LDB3: variants seen among roughly 807,000 people sequenced by gnomAD.
LDB3 encodes LIM domain binding 3, also known as LIM domain-binding protein 3.
LDB3 carries 49 observed loss-of-function variants against 69.0 expected under a neutral mutation model. That is an observed-to-expected ratio of 0.71 (90% CI 0.56 to 0.90). The LOEUF (loss-of-function observed/expected upper bound fraction) is 0.90, where lower values mean the gene tolerates loss of function less well. Among genes scored for constraint, LDB3 ranks in the 40% least tolerant of loss-of-function variants. LDB3 has a pLI of 0.00. For missense variants in LDB3, 928 were observed against 974.1 expected (o/e 0.95, Z 0.63); for synonymous variants, 387 against 396.2 (o/e 0.98, Z 0.28).
intron 5 of LDB3, among the ~76,000 whole-genome samples, chr10:86,689,462 G>C (rs1021494755): frequency 6.6e-6 from 1 of 152,208 alleles, no homozygotes; most frequent in African/African-American, 2.4e-5. Flanking sequence ...CTTGTCTCTT[G>C]GGGTTTGTCC....
chr10:86,692,009 C>T lies in LDB3; in HGVS notation c.803C>T (p.Ser268Phe). Residue 268 changes from serine to phenylalanine, a missense_variant, in exon 6 of 14, where the codon TCC (serine) becomes TTC (phenylalanine). Ser to Phe is a radical substitution (Grantham distance 155). Transcript: ENST00000361373. ...GCTGACGAGTGGGCACGCCGTTCCT[C>T]CAACCTGCAGTCTCGCTCCTTCCGC... is the stretch of plus-strand genomic sequence containing the variant. ...DEADEWARRSSNLQSRSFRIL... is the reference protein window; with the variant it reads ...DEADEWARRSFNLQSRSFRIL... The T allele has an allele frequency of 1.2e-6, 2 of 1,614,182 alleles. No individual in the cohort carries two copies. Among genetic ancestry groups the T allele is most frequent in the Middle Eastern group, 1.6e-4 (1 of 6,062 alleles).
At chr10:86,668,906 C>T (rs1844302391) in intron 2 of LDB3, 122 bp downstream of exon 2, 1 of 774,850 alleles carries the variant, frequency 1.3e-6, no homozygotes, top group Non-Finnish European at 2.2e-6. Flanking sequence ...TGCCCCATCC[C>T]CTGGGACTGG....
At chr10:86,680,001 C>A in intron 3 of LDB3, 81 bp from the exon 4 acceptor site, 1 of 1,262,256 alleles carries the variant, frequency 7.9e-7, no homozygotes, top group Admixed American at 1.7e-5. Context: ...CTCTTGCTCT[C>A]TCCTCACCAG....
intron 5 of LDB3, among the ~76,000 whole-genome samples, chr10:86,686,806 CAAAAA>C (rs3086887): frequency 6.8e-5 from 9 of 133,176 alleles, no homozygotes; most frequent in Non-Finnish European, 9.5e-5. Context: ...GACCCTGTAT[CAAAAA>C]AAAAAAAAAA....
In LDB3 at chr10:86,726,179, T is replaced by C. The variant is rs1265166017; in HGVS notation, c.2021T>C (p.Phe674Ser). The C allele has an allele frequency of 3.1e-6, 5 of 1,614,028 alleles. No homozygotes were observed. The highest frequency in any genetic ancestry group is 4.2e-6 in the Non-Finnish European group (5 of 1,180,016). Reference protein sequence around the residue: ...LFSTKCHGCDFPVEAGDKFIE... With the variant: ...LFSTKCHGCDSPVEAGDKFIE... ...AGCACCAAGTGCCATGGCTGCGATTTCCCCGTGGAGGCTGGCGACAAGTTT... is the reference window on the plus strand; with the variant it reads ...AGCACCAAGTGCCATGGCTGCGATTCCCCCGTGGAGGCTGGCGACAAGTTT... The change falls in exon 13 of 14, where the codon TTC becomes TCC. Residue 674 changes from phenylalanine to serine, a missense_variant. Physicochemically the swap from Phe to Ser is radical, Grantham distance 155. Transcript: ENST00000361373.
Position 86,726,253 on chromosome 10 carries a change from G to A in LDB3, c.2094+1G>A, listed in dbSNP as rs2132503675. 1 of 1,613,026 alleles carries A rather than the reference G, an allele frequency of 6.2e-7. No homozygotes were observed. Among genetic ancestry groups the A allele is most frequent in the Non-Finnish European group, 8.5e-7 (1 of 1,179,024 alleles). On this transcript the variant is annotated splice_donor_variant, in intron 13 of 13. Transcript: ENST00000361373. LOFTEE classifies it high-confidence loss of function. ...GCACGACACCTGCTTCATTTGCGCAGTATGTCTCTAGCTTGGGGCTCTGGC... is the reference window on the plus strand; with the variant it reads ...GCACGACACCTGCTTCATTTGCGCAATATGTCTCTAGCTTGGGGCTCTGGC...
At chr10:86,684,383 A>C (rs56339490) in intron 5 of LDB3, among the ~76,000 whole-genome samples, 5,053 of 152,370 alleles carry the variant, frequency 0.033, 138 homozygotes, top group Non-Finnish European at 0.051. Flanking sequence ...CAGGCTGCCA[A>C]GGGAGGGCAG....
Position 86,699,969 on chromosome 10 carries a change from G to C in LDB3, c.897-6562G>C. On this transcript the variant is annotated intron_variant, in intron 7 of 13. Transcript: ENST00000361373. This position sits in a 1 kb window ranked among gnomAD's most constrained non-coding sequence, Gnocchi z 4.9. ...GGGCATGCACCCTCCTTTCTGTACC[G>C]TGTGTGCTGGCTCCATAGTTCTCTC... The C allele has an allele frequency of 1.6e-5, 16 of 995,350 alleles. No homozygotes were observed. The highest frequency in any genetic ancestry group is 1.8e-5 in the Non-Finnish European group (15 of 835,242). The allele number at this position is 995,350 out of a possible 1,614,324, so 61.7% of individuals were successfully genotyped here. A position where few individuals can be genotyped will look rare whatever the true frequency, so the allele number is the denominator to read the frequency against.
chr10:86,681,807 G>GTTGCAGGCACACTCATCACAGCGCTAA lies in LDB3; in HGVS notation c.689+4_689+5insTTGCAGGCACACTCATCACAGCGCTAA, dbSNP rs1845159920. ...CGGGTGTCGGACTCCCAGGAGGGTA[G>GTTGCAGGCACACTCATCACAGCGCTAA]GTAACGGACATACAGCTCTCCACAG... On this transcript the variant is annotated splice_donor_region_variant and intron_variant, in intron 5 of 13. Transcript: ENST00000361373. 6.3e-7 allele frequency: 1 copy of GTTGCAGGCACACTCATCACAGCGCTAA among 1,589,536 alleles called. No homozygotes were observed. The highest frequency in any genetic ancestry group is 1.8e-5 in the Admixed American group (1 of 56,424).
intron 2 of LDB3, among the ~76,000 whole-genome samples, chr10:86,673,446 G>T (rs7894381): frequency 6.6e-6 from 1 of 152,062 alleles, no homozygotes; most frequent in East Asian, 1.9e-4. Context: ...GGTGCAGAAA[G>T]GAGACATGAC....
rs1443727562 is a variant in LDB3 at position 86,726,256 on chromosome 10, T to A, written c.2094+4T>A. 2 of 1,612,258 alleles carry A rather than the reference T, an allele frequency of 1.2e-6. No individual in the cohort carries two copies. Among genetic ancestry groups the A allele is most frequent in the Non-Finnish European group, 8.5e-7 (1 of 1,178,424 alleles). On this transcript the variant is annotated splice_donor_region_variant and intron_variant, in intron 13 of 13. Coordinates refer to ENST00000361373, the MANE Select transcript of LDB3 (RefSeq NM_007078.3). ...CGACACCTGCTTCATTTGCGCAGTA[T>A]GTCTCTAGCTTGGGGCTCTGGCTTT... is the stretch of plus-strand genomic sequence containing the variant.
chr10:86,672,439 A>AG (rs1421538076), intron 2 of LDB3, among the ~76,000 whole-genome samples: 18 of 152,322 alleles, frequency 1.2e-4, no homozygotes, highest in Middle Eastern at 6.8e-3. Flanking sequence ...GGGGAGAGGA[A>AG]GGGGGACAGG....
chr10:86,686,271 A>G (rs1845462116), intron 5 of LDB3, among the ~76,000 whole-genome samples: 2 of 152,212 alleles, frequency 1.3e-5, no homozygotes, highest in Admixed American at 1.3e-4. Flanking sequence ...GCCTGCAGGA[A>G]GAGCCCCTTC....
intron 5 of LDB3, among the ~76,000 whole-genome samples, chr10:86,682,514 G>A (rs1169489486): frequency 6.6e-6 from 1 of 152,166 alleles, no homozygotes; most frequent in Admixed American, 6.5e-5. Context: ...CTGTAGGGGG[G>A]AGGCAAAGGA....
chr10:86,709,507 G>A (rs1015485199), intron 8 of LDB3, among the ~76,000 whole-genome samples: 1 of 152,172 alleles, frequency 6.6e-6, no homozygotes, highest in Non-Finnish European at 1.5e-5. Flanking sequence ...AAAAGGGTAG[G>A]CAGAAGAGGC....
Position 86,680,224 on chromosome 10 carries a change from C to G in LDB3, c.321+67C>G, listed in dbSNP as rs570723970. On this transcript the variant is annotated intron_variant, in intron 4 of 13. Transcript: ENST00000361373. ...TCCTGGAGTGCTGGCCCTGGCCAGC[C>G]TGCCTGGTCTTTGGCTGGCCCAACT... 4.1e-6 allele frequency: 6 copies of G among 1,451,752 alleles called. No individual in the cohort carries two copies. The African/African-American group carries it at 5.6e-5, about 14-fold the overall frequency. 89.9% of individuals were successfully genotyped at this position (1,451,752 alleles called of 1,614,324 possible).
chr10:86,724,456 T>C (rs1008328137), intron 12 of LDB3, among the ~76,000 whole-genome samples: 1 of 150,882 alleles, frequency 6.6e-6, no homozygotes, highest in Non-Finnish European at 1.5e-5. Context: ...TAAAAAAATA[T>C]AGCTGGGTGT....
chr10:86,675,725 G>A (rs891775146), intron 2 of LDB3, among the ~76,000 whole-genome samples: 2 of 152,260 alleles, frequency 1.3e-5, no homozygotes, highest in African/African-American at 4.8e-5. Context: ...GGATGTGGAG[G>A]GATGGAGTGT....
At chr10:86,723,449 T>G (rs1316788248) in intron 12 of LDB3, among the ~76,000 whole-genome samples, 1 of 151,904 alleles carries the variant, frequency 6.6e-6, no homozygotes, top group East Asian at 1.9e-4. Flanking sequence ...TTGCAGAGAT[T>G]CTCTCAGGTA....
Sources: allele counts gnomAD v4.1 joint callset (sites outside exome capture counted in the v4.1 genomes callset), GRCh38; gene constraint gnomAD v4.1.1; non-coding constraint Gnocchi (gnomAD v3.1); transcripts MANE v1.5; gene names NCBI Gene and HGNC (gene_info 2026-07-23, HGNC 2026-07-21).